Variants in TRPM8 observed in about 807,000 individuals in gnomAD.
TRPM8 encodes TRPM8 cationic channel.
TRPM8 carries 110 observed loss-of-function variants against 133.7 expected under a neutral mutation model. That is an observed-to-expected ratio of 0.82 (90% confidence interval 0.70 to 0.96). The LOEUF (loss-of-function observed/expected upper bound fraction) is 0.96, where lower values mean the gene tolerates loss of function less well. Among genes scored for constraint, TRPM8 ranks in the 40% least tolerant of loss-of-function variants. The pLI, the probability that TRPM8 is intolerant of heterozygous loss-of-function variation, is 0.00. For synonymous variants in TRPM8, 535 were observed against 532.3 expected, an observed-to-expected ratio of 1.01 and a Z score of -0.07; for missense variants, 1,291 against 1,379.5, an observed-to-expected ratio of 0.94 and a Z score of 1.02.
rs553852652 is a variant in TRPM8 at position 233,926,558 on chromosome 2, G to A, written c.21G>A (p.Arg7=). 1 of 1,614,044 alleles carries A rather than the reference G, an allele frequency of 6.2e-7. No homozygotes were observed. Among genetic ancestry groups the A allele is most frequent in the Non-Finnish European group, 8.5e-7 (1 of 1,179,982 alleles). Residue 7 remains arginine (R), a synonymous_variant, in exon 2 of 26, where the codon AGG becomes AGA. Coordinates refer to ENST00000324695, the MANE Select transcript of TRPM8 (RefSeq NM_024080.5). ...AAAAGATGTCCTTTCGGGCAGCCAGGCTCAGCATGAGGAACAGAAGGAATG... is the reference window on the plus strand; with the variant it reads ...AAAAGATGTCCTTTCGGGCAGCCAGACTCAGCATGAGGAACAGAAGGAATG... MSFRAA[R]LSMRNRRNDT...
chr2:233,961,149 C>A, intron 12 of TRPM8, 83 bp downstream of exon 12: 3 of 1,358,250 alleles, frequency 2.2e-6, no homozygotes, highest in East Asian at 2.4e-5. Flanking sequence ...TCCCTACTCC[C>A]TATCTTATTG....
intron 22 of TRPM8, among the ~76,000 whole-genome samples, chr2:233,998,364 G>T (rs1692460359): frequency 6.6e-6 from 1 of 152,180 alleles, no homozygotes; most frequent in Non-Finnish European, 1.5e-5. Context: ...CTGAAGGAAG[G>T]GACTCAGAAT....
chr2:233,930,760 TC>T lies in TRPM8; in HGVS notation c.191+21del. On this transcript the variant is annotated intron_variant, in intron 3 of 25. Coordinates refer to ENST00000324695, the MANE Select transcript of TRPM8 (RefSeq NM_024080.5). The stretch of plus-strand genomic sequence containing the variant: ...AGGCCACGTAAGCTACTATTTTCCC[TC>T]CAGTTTTGCTTTCCAAGTTCAAAAA... 1 of 1,574,118 alleles carries T rather than the reference TC, an allele frequency of 6.4e-7. No homozygotes were observed. The highest frequency in any genetic ancestry group is 8.7e-7 in the Non-Finnish European group (1 of 1,151,370).
chr2:233,927,962 T>C (rs7421127), intron 2 of TRPM8, among the ~76,000 whole-genome samples: 7,292 of 30,294 alleles, frequency 0.24, 1,528 homozygotes, highest in East Asian at 0.35. Flanking sequence ...CTCTCTCTCT[T>C]TCTTTCTTTC....
Position 233,950,031 on chromosome 2 carries a change from T to A in TRPM8, c.1025T>A (p.Leu342Gln). Residue 342 changes from leucine (L) to glutamine (Q), a missense_variant, in exon 9 of 26, where the codon CTG (leucine) becomes CAG (glutamine). This residue lies in a region of TRPM8 where 963 missense variants were observed against 968.9 expected (regional missense o/e 0.99). Transcript: ENST00000324695. ...CAGATCGCTGATGTGATCGCTAGCC[T>A]GGTGGAGGTGGAGGATGCCCTGACA... is the stretch of plus-strand genomic sequence containing the variant. ...SGQIADVIAS[L>Q]VEVEDALTSS... The A allele has an allele frequency of 1.2e-6, 2 of 1,614,200 alleles. No individual in the cohort carries two copies. The highest frequency in any genetic ancestry group is 2.2e-5 in the East Asian group (1 of 44,884).
At chr2:233,952,981 C>G (rs144432585) in intron 9 of TRPM8, among the ~76,000 whole-genome samples, 246 of 152,290 alleles carry the variant, frequency 1.6e-3, no homozygotes, top group African/African-American at 5.6e-3. Flanking sequence ...AGGCTGCAGA[C>G]AGATGAAGAG....
chr2:233,932,393 C>G (rs1691698057), intron 3 of TRPM8, among the ~76,000 whole-genome samples: 1 of 152,158 alleles, frequency 6.6e-6, no homozygotes. Flanking sequence ...GTTTATGGCT[C>G]TTAATGGTCT....
At chr2:233,946,104 C>T in intron 7 of TRPM8, 74 bp downstream of exon 7, 1 of 1,406,360 alleles carries the variant, frequency 7.1e-7, no homozygotes, top group African/African-American at 1.4e-5. Flanking sequence ...ACAATCACTA[C>T]CAACTATTGA....
At position 233,978,259 on chromosome 2, in the gene TRPM8, CCTT is replaced by C. The variant is rs758753017; in HGVS notation, c.2356-1925_2356-1923del. Among the ~76,000 whole-genome samples the C allele has an allele frequency of 1.5e-4, 22 of 143,134 alleles. No individual in the cohort carries two copies. The South Asian group carries it at 1.6e-3, about 10-fold the overall frequency. 93.9% of individuals were successfully genotyped at this position (143,134 alleles called of 152,430 possible). A position where few individuals can be genotyped will look rare whatever the true frequency, so the allele number is the denominator to read the frequency against. On this transcript the variant is annotated intron_variant, in intron 17 of 25. Transcript: ENST00000324695. ...TACTTTTTAAGTTGAGCCTTTTTTT[CCTT>C]CTTTGTTAGTCTCCCTACGGACTTT... is the stretch of plus-strand genomic sequence containing the variant.
chr2:233,943,067 C>CTTTTTTTTT lies in TRPM8; in HGVS notation c.699+331_699+339dup, dbSNP rs67315288. 5.6e-3 allele frequency: 1,000 copies of CTTTTTTTTT among 178,398 alleles called. 15 individuals are homozygous for CTTTTTTTTT. The highest frequency in any genetic ancestry group is 0.033 in the East Asian group (227 of 6,792). The allele number at this position is 178,398 out of a possible 1,614,324, so 11.1% of individuals were successfully genotyped here. A position where few individuals can be genotyped will look rare whatever the true frequency, so the allele number is the denominator to read the frequency against. ...GCGGGCTCAAAGCCAACTGCAGTAT[C>CTTTTTTTTT]TTTTTTTTTTTTTTTTTTTTACACC... On this transcript the variant is annotated intron_variant, in intron 6 of 25. Coordinates refer to ENST00000324695, the MANE Select transcript of TRPM8 (RefSeq NM_024080.5).
At chr2:233,949,827 C>G (rs1691130766) in intron 8 of TRPM8, 122 bp from the exon 9 acceptor site, 1 of 777,432 alleles carries the variant, frequency 1.3e-6, no homozygotes, top group Admixed American at 3.0e-5. Flanking sequence ...ATAAAAGCCC[C>G]AAAGGAAAAC....
At chr2:233,951,472 C>T (rs1691171605) in intron 9 of TRPM8, among the ~76,000 whole-genome samples, 1 of 152,146 alleles carries the variant, frequency 6.6e-6, no homozygotes, top group African/African-American at 2.4e-5. Flanking sequence ...CTTCCTCTTA[C>T]TCCTTGTACA....
At chr2:233,946,348 A>G (rs1691043285) in intron 7 of TRPM8, 1 of 228,884 alleles carries the variant, frequency 4.4e-6, no homozygotes, top group South Asian at 1.3e-4. Flanking sequence ...ATCTACAATG[A>G]CAAATATGAG....
At chr2:233,994,713 A>T (rs1332782803) in intron 21 of TRPM8, among the ~76,000 whole-genome samples, 1 of 152,108 alleles carries the variant, frequency 6.6e-6, no homozygotes, top group Non-Finnish European at 1.5e-5. Context: ...TAAGATATTT[A>T]AGTCTAATGT....
Position 233,966,723 on chromosome 2 carries a change from G to A in TRPM8, c.1993G>A (p.Asp665Asn), listed in dbSNP as rs758868176. ...NCLELAVEAT[D>N]QHFIAQPGVQ... ...TCTGGAGCTGGCGGTGGAGGCCACA[G>A]ACCAGCATTTCATCGCCCAGCCTGG... The change falls in exon 15 of 26, where the codon GAC becomes AAC. Residue 665 changes from aspartate to asparagine, a missense_variant. By Grantham distance (23) the Asp-to-Asn change is conservative. Transcript: ENST00000324695. 99 of 1,601,988 alleles carry A rather than the reference G, an allele frequency of 6.2e-5. No individual in the cohort carries two copies. Among genetic ancestry groups the A allele is most frequent in the Admixed American group, 8.4e-5 (5 of 59,300 alleles).
intron 11 of TRPM8, among the ~76,000 whole-genome samples, chr2:233,960,267 C>G (rs746737768): frequency 6.6e-6 from 1 of 152,122 alleles, no homozygotes; most frequent in African/African-American, 2.4e-5. Context: ...AATGCAGTCA[C>G]CATAATAGAA....
rs202214851 is a variant in TRPM8 at position 233,987,864 on chromosome 2, TTC to T, written c.2939+2001_2939+2002del. ...GGAAACCCCTTTTACTTGGCTCTCA[TTC>T]TGTTTGCCTGCTGCCATCCACGTAA... On this transcript the variant is annotated intron_variant, in intron 21 of 25. Coordinates refer to ENST00000324695, the MANE Select transcript of TRPM8 (RefSeq NM_024080.5). Among the ~76,000 whole-genome samples the T allele has an allele frequency of 6.5e-3, 988 of 152,314 alleles. 11 individuals carry two copies. Among genetic ancestry groups the T allele is most frequent in the African/African-American group, 0.023 (943 of 41,574 alleles).
At chr2:233,993,699 T>C (rs1313878531) in intron 21 of TRPM8, among the ~76,000 whole-genome samples, 1 of 152,188 alleles carries the variant, frequency 6.6e-6, no homozygotes, top group Non-Finnish European at 1.5e-5. Context: ...CTCTTCCTAC[T>C]TGGACTCTTG....
intron 24 of TRPM8, among the ~76,000 whole-genome samples, chr2:234,012,464 T>TTTGG (rs1404895067): frequency 8.4e-6 from 1 of 119,734 alleles, no homozygotes; most frequent in African/African-American, 3.2e-5. Flanking sequence ...AGTTTTTTTT[T>TTTGG]GTGTGTGTGA....
Sources: gnomAD v4.1 joint callset for allele counts (sites outside exome capture counted in the v4.1 genomes callset) on GRCh38, gnomAD v4.1.1 for gene constraint, gnomAD v4.1.1 regional missense constraint, MANE v1.5 for transcripts, NCBI Gene and HGNC (gene_info 2026-07-23, HGNC 2026-07-21) for gene names.